The following B4GALNT4 variants were observed in gnomAD, a reference collection of about 807,000 sequenced individuals.
B4GALNT4 encodes the protein N-acetyl-beta-glucosaminyl-glycoprotein 4-beta-N-acetylgalactosaminyltransferase 1.
B4GALNT4 carries 77 observed loss-of-function variants against 110.0 expected under a neutral mutation model. That is an observed-to-expected ratio of 0.70 (90% confidence interval 0.58 to 0.85). The LOEUF is 0.85. Among genes scored for constraint, B4GALNT4 ranks in the 40% least tolerant of loss-of-function variants. B4GALNT4 has a pLI of 0.00. For missense variants in B4GALNT4, 1,575 were observed against 1,506.0 expected, an observed-to-expected ratio of 1.05 and a Z score of -0.76; for synonymous variants, 785 against 655.5, an observed-to-expected ratio of 1.20 and a Z score of -3.02.
Position 379,283 on chromosome 11 carries a change from G to A in B4GALNT4, c.2205-135G>A, listed in dbSNP as rs796314485. The A allele has an allele frequency of 2.4e-5, 24 of 987,206 alleles. No individual in the cohort carries two copies. In the African/African-American group the frequency reaches 3.6e-4, roughly 15 times the overall value. The allele number at this position is 987,206 out of a possible 1,614,324, so 61.2% of individuals were successfully genotyped here. On this transcript the variant is annotated intron_variant, in intron 14 of 19. Coordinates refer to ENST00000329962, the MANE Select transcript of B4GALNT4 (RefSeq NM_178537.5). ...CTGCCTGCTGGGCCAACCTGGAGGG[G>A]CAGGTGCTGTGCCGCGGAGCCCGCA...
intron 12 of B4GALNT4, 27 bp from the exon 13 acceptor site, chr11:376,224 C>A: frequency 6.3e-7 from 1 of 1,598,658 alleles, no homozygotes; most frequent in Non-Finnish European, 8.5e-7. Context: ...GGGCGGGACT[C>A]GGCTCTGATG....
intron 18 of B4GALNT4, 176 bp from the exon 19 acceptor site, chr11:380,649 G>GC: frequency 7.9e-7 from 1 of 1,270,566 alleles, no homozygotes; most frequent in South Asian, 1.2e-5. Context: ...CCAGTATCCC[G>GC]CGTTTATGCA....
chr11:379,358 G>C, intron 14 of B4GALNT4, 60 bp from the exon 15 acceptor site: 1 of 1,419,110 alleles, frequency 7.0e-7, no homozygotes, highest in Non-Finnish European at 9.2e-7. Flanking sequence ...GGGCGGACCA[G>C]GGTTGCGGGC....
Position 369,588 on chromosome 11 carries a change from G to A in B4GALNT4, c.-216G>A, listed in dbSNP as rs1353111923. On this transcript the variant is annotated 5_prime_UTR_variant, in exon 1 of 20. Coordinates refer to ENST00000329962, the MANE Select transcript of B4GALNT4 (RefSeq NM_178537.5). Reference sequence around the variant, plus strand: ...AGCGGCCGGGCGGGGGGCACCGCGAGGAGCCGCCCCCGCCGCCCACCCCGG... The same window carrying A: ...AGCGGCCGGGCGGGGGGCACCGCGAAGAGCCGCCCCCGCCGCCCACCCCGG... 7.0e-6 allele frequency among the ~76,000 whole-genome samples: 1 copy of A among 142,594 alleles called. No homozygotes were observed. Among genetic ancestry groups the A allele is most frequent in the African/African-American group, 2.5e-5 (1 of 39,600 alleles). 93.5% of individuals were successfully genotyped at this position (142,594 alleles called of 152,430 possible).
chr11:375,437 ACC>A, intron 8 of B4GALNT4, 22 bp from the exon 9 acceptor site: 3 of 1,609,672 alleles, frequency 1.9e-6, no homozygotes, highest in Non-Finnish European at 2.5e-6. Context: ...CCTGTCCCTG[ACC>A]CCCACCCTCT....
rs1846887704 is a variant in B4GALNT4 at position 382,100 on chromosome 11, TA to T, written c.*309del. Reference sequence around the variant, plus strand: ...GTTTTTTATTCAGAATGAAATGAAATATTTTTTTTAGTTCTGACTAGTCCTC... The same window carrying T: ...GTTTTTTATTCAGAATGAAATGAAATTTTTTTTTAGTTCTGACTAGTCCTC... On this transcript the variant is annotated 3_prime_UTR_variant, in exon 20 of 20. Coordinates refer to ENST00000329962, the MANE Select transcript of B4GALNT4 (RefSeq NM_178537.5). The T allele has an allele frequency of 2.1e-5, 5 of 233,434 alleles. No individual in the cohort carries two copies. Among genetic ancestry groups the T allele is most frequent in the East Asian group, 1.1e-4 (1 of 9,508 alleles). 14.5% of individuals were successfully genotyped at this position (233,434 alleles called of 1,614,324 possible).
rs371745393 is a variant in B4GALNT4, at chr11:376,292, G to A, written c.1238G>A (p.Gly413Glu). 4.3e-6 allele frequency: 7 copies of A among 1,610,344 alleles called. No individual in the cohort carries two copies. Among genetic ancestry groups the A allele is most frequent in the South Asian group, 2.2e-5 (2 of 90,988 alleles). ...YKYMKMDKEE[G>E]DEDEEDEVQR... ...TACATGAAGATGGACAAGGAGGAGG[G>A]GGATGAGGATGAAGAAGACGAGGTG... Residue 413 changes from glycine to glutamate, a missense_variant, in exon 13 of 20, where the codon GGG becomes GAG. By Grantham distance (98) the Gly-to-Glu change is moderately conservative. Coordinates refer to ENST00000329962, the MANE Select transcript of B4GALNT4 (RefSeq NM_178537.5).
chr11:375,458 C>T lies in B4GALNT4; in HGVS notation c.784-3C>T, dbSNP rs115828851. The stretch of plus-strand genomic sequence containing the variant: ...CCTGACCCCCACCCTCTCTGCCCCG[C>T]AGTGGCGAGCTTTCCTGCCCGGCCT... On this transcript the variant is annotated splice_region_variant and splice_polypyrimidine_tract_variant and intron_variant, in intron 8 of 19. Transcript: ENST00000329962. The T allele has an allele frequency of 6.4e-4, 1,025 of 1,611,698 alleles. 5 individuals are homozygous for T. In the African/African-American group the frequency reaches 0.012, roughly 19 times the overall value.
chr11:372,820 C>T (rs1846642193), intron 3 of B4GALNT4, 32 bp from the exon 4 acceptor site: 1 of 1,560,280 alleles, frequency 6.4e-7, no homozygotes, highest in Non-Finnish European at 8.7e-7. Flanking sequence ...GGGCGGCGGG[C>T]CGTGCAGAAG....
chr11:380,573 G>A, intron 18 of B4GALNT4, 128 bp downstream of exon 18: 1 of 1,378,962 alleles, frequency 7.3e-7, no homozygotes. Context: ...TCCCCGTAGT[G>A]CCCAGAGCCC....
Position 376,506 on chromosome 11 carries a change from C to T in B4GALNT4, c.1383C>T (p.Ser461=). The change falls in exon 14 of 20, where the codon TCC becomes TCT. Residue 461 remains serine (S), a synonymous_variant. Transcript: ENST00000329962. ...EAAPPRSGPQ[S]PAPAAPAQPG... is the part of the protein sequence containing the mutation. The stretch of plus-strand genomic sequence containing the variant: ...CCCCGCCCAGGAGCGGCCCCCAGTC[C>T]CCCGCCCCAGCAGCCCCCGCCCAGC... 3.3e-6 allele frequency: 5 copies of T among 1,524,300 alleles called. No individual in the cohort carries two copies. Among genetic ancestry groups the T allele is most frequent in the Non-Finnish European group, 3.5e-6 (4 of 1,143,056 alleles). 94.4% of individuals were successfully genotyped at this position (1,524,300 alleles called of 1,614,324 possible).
Position 380,901 on chromosome 11 carries a change from G to A in B4GALNT4, c.2946G>A (p.Thr982=), listed in dbSNP as rs138680988. 122 of 1,613,722 alleles carry A rather than the reference G, an allele frequency of 7.6e-5. No individual in the cohort carries two copies. The Middle Eastern group carries it at 8.3e-4, about 11-fold the overall frequency. The change falls in exon 19 of 20, where the codon ACG becomes ACA. Residue 982 remains threonine (T), a synonymous_variant. Coordinates refer to ENST00000329962, the MANE Select transcript of B4GALNT4 (RefSeq NM_178537.5). ...SDFDRVGGMN[T]EEFRDQWGGE... is the part of the protein sequence containing the mutation. ...TTGACCGGGTTGGAGGAATGAACACGGAGGAGTTCCGAGACCAGTGGGGGG... is the reference window on the plus strand; with the variant it reads ...TTGACCGGGTTGGAGGAATGAACACAGAGGAGTTCCGAGACCAGTGGGGGG...
At chr11:378,399 G>T (rs766807307) in intron 14 of B4GALNT4, among the ~76,000 whole-genome samples, 1 of 152,172 alleles carries the variant, frequency 6.6e-6, no homozygotes, top group South Asian at 2.1e-4. Context: ...AGAGCAGCTC[G>T]TCATTTCTTG....
intron 15 of B4GALNT4, 52 bp from the exon 16 acceptor site, chr11:379,814 C>T: frequency 6.5e-7 from 1 of 1,538,486 alleles, no homozygotes; most frequent in South Asian, 1.2e-5. Flanking sequence ...CTGGGAGGCC[C>T]CACCGTAGAG....
chr11:380,979 G>A, intron 19 of B4GALNT4, 28 bp downstream of exon 19: 1 of 1,604,006 alleles, frequency 6.2e-7, no homozygotes, highest in African/African-American at 1.3e-5. Flanking sequence ...CCCCAGAGGT[G>A]ACACCCTGAC....
In B4GALNT4 at chr11:380,970, C is replaced by T. The variant is rs779762116; in HGVS notation, c.2996+19C>T. On this transcript the variant is annotated intron_variant, in intron 19 of 19. Coordinates refer to ENST00000329962, the MANE Select transcript of B4GALNT4 (RefSeq NM_178537.5). ...TGGACAGGTGACCACCTCCCCACTCCCCAGAGGTGACACCCTGACCCCTGC... is the reference window on the plus strand; with the variant it reads ...TGGACAGGTGACCACCTCCCCACTCTCCAGAGGTGACACCCTGACCCCTGC... 1.9e-6 allele frequency: 3 copies of T among 1,607,416 alleles called. No individual in the cohort carries two copies. The Admixed American group carries it at 5.1e-5, about 27-fold the overall frequency.
In B4GALNT4 at chr11:376,403, A is replaced by G; in HGVS notation, c.1298-18A>G. On this transcript the variant is annotated intron_variant, in intron 13 of 19. Transcript: ENST00000329962. ...GCACCCACCTGCGCAGGGAGCTTCTAACCCGCGTTTCCCGCAGACTTCCTG... is the reference window on the plus strand; with the variant it reads ...GCACCCACCTGCGCAGGGAGCTTCTGACCCGCGTTTCCCGCAGACTTCCTG... The G allele has an allele frequency of 6.2e-7, 1 of 1,601,994 alleles. No homozygotes were observed. Among genetic ancestry groups the G allele is most frequent in the African/African-American group, 1.3e-5 (1 of 74,848 alleles).
Position 372,168 on chromosome 11 carries a change from C to G in B4GALNT4, c.211C>G (p.Gln71Glu). 6.5e-7 allele frequency: 1 copy of G among 1,550,102 alleles called. No homozygotes were observed. Among genetic ancestry groups the G allele is most frequent in the Non-Finnish European group, 8.7e-7 (1 of 1,146,832 alleles). ...GGGGGTCCACGCTGCGCCATCCACACAGAGGGCTGAGGACTCCAGTGAGAG... is the reference window on the plus strand; with the variant it reads ...GGGGGTCCACGCTGCGCCATCCACAGAGAGGGCTGAGGACTCCAGTGAGAG... ...GRGVHAAPSTQRAEDSSESRE... is the reference protein window; with the variant it reads ...GRGVHAAPSTERAEDSSESRE... The change falls in exon 2 of 20, where the codon CAG becomes GAG. Residue 71 changes from glutamine (Q) to glutamate (E), a missense_variant. Coordinates refer to ENST00000329962, the MANE Select transcript of B4GALNT4 (RefSeq NM_178537.5).
At chr11:380,699 C>A (rs1265710428) in intron 18 of B4GALNT4, 126 bp from the exon 19 acceptor site, 1 of 1,491,220 alleles carries the variant, frequency 6.7e-7, no homozygotes, top group Admixed American at 1.7e-5. Context: ...CCGGACGACT[C>A]CCGGAAGCCC....
Sources: gnomAD v4.1 joint callset for allele counts (sites outside exome capture counted in the v4.1 genomes callset) on GRCh38, gnomAD v4.1.1 for gene constraint, MANE v1.5 for transcripts, NCBI Gene and HGNC (gene_info 2026-07-23, HGNC 2026-07-21) for gene names.